Variants in NOTCH1 observed in about 807,000 individuals in gnomAD.
NOTCH1 encodes notch receptor 1, also known as neurogenic locus notch homolog protein 1.
NOTCH1 carries 37 observed loss-of-function variants against 254.8 expected under a neutral mutation model. That is an observed-to-expected ratio of 0.15 (90% CI 0.11 to 0.19). NOTCH1 has a LOEUF of 0.19. Ranked by LOEUF, NOTCH1 falls within the 10% of genes least tolerant of loss-of-function variation. The pLI is 1.00. For missense variants in NOTCH1, 2,972 were observed against 3,708.6 expected, an observed-to-expected ratio of 0.80 and a Z score of 5.16; for synonymous variants, 1,731 against 1,618.1, an observed-to-expected ratio of 1.07 and a Z score of -1.68.
chr9:136,522,809 C>G, intron 4 of NOTCH1, 41 bp downstream of exon 4: 10 of 1,440,938 alleles, frequency 6.9e-6, no homozygotes, highest in Non-Finnish European at 8.2e-6. Flanking sequence ...GCCTGGCAGC[C>G]GGGGAGGGGC....
In NOTCH1 at chr9:136,505,293, G is replaced by A. The variant is rs1303173123; in HGVS notation, c.4586+17C>T. ...AGTTCAGGTCCTCCCTCAGCCCCAT[G>A]AGCCCCGCAGCCTTACTTGCACTGG... On this transcript the variant is annotated intron_variant, in intron 25 of 33. Coordinates refer to ENST00000651671, the MANE Select transcript of NOTCH1 (RefSeq NM_017617.5). 1.3e-6 allele frequency: 2 copies of A among 1,556,844 alleles called. No individual in the cohort carries two copies. Among genetic ancestry groups the A allele is most frequent in the African/African-American group, 1.4e-5 (1 of 73,530 alleles).
At position 136,500,726 on chromosome 9, in the gene NOTCH1, C is replaced by T. The variant is rs2133326277; in HGVS notation, c.5760G>A (p.Leu1920=). 2 of 1,608,482 alleles carry T rather than the reference C, an allele frequency of 1.2e-6. No homozygotes were observed. The highest frequency in any genetic ancestry group is 1.7e-6 in the Non-Finnish European group (2 of 1,179,884). ...ISDFIYQGAS[L]HNQTDRTGET... ...CGCCCGTGCGGTCTGTCTGGTTGTG[C>T]AGGCTGGCGCCCTGGTAGATGAAGT... The change falls in exon 31 of 34, where the codon CTG becomes CTA. Residue 1920 remains leucine, a synonymous_variant. Transcript: ENST00000651671.
At chr9:136,503,932 C>G (rs1368927308) in intron 26 of NOTCH1, among the ~76,000 whole-genome samples, 4 of 152,262 alleles carry the variant, frequency 2.6e-5, no homozygotes, top group African/African-American at 7.2e-5. Context: ...TGCCCCAGAT[C>G]GAGTAGGCAT....
chr9:136,528,443 G>GGGGATGGGCAGGGACAGTGA (rs1564206698), intron 2 of NOTCH1, among the ~76,000 whole-genome samples: 1 of 64,748 alleles, frequency 1.5e-5, no homozygotes, highest in Non-Finnish European at 3.4e-5. Flanking sequence ...GGACGGTGAG[G>GGGGATGGGCAGGGACAGTGA]GGGGGATGGG....
At chr9:136,510,315 G>A (rs538863400) in intron 17 of NOTCH1, among the ~76,000 whole-genome samples, 1 of 152,350 alleles carries the variant, frequency 6.6e-6, no homozygotes, top group South Asian at 2.1e-4. Context: ...CCTCTGTGAA[G>A]CAGGGCTGGG....
chr9:136,531,907 C>T (rs1260832552), intron 2 of NOTCH1, among the ~76,000 whole-genome samples: 2 of 152,254 alleles, frequency 1.3e-5, no homozygotes, highest in East Asian at 3.9e-4. Flanking sequence ...TCTGACCACA[C>T]GAGGCACAGA....
intron 31 of NOTCH1, among the ~76,000 whole-genome samples, 154 bp downstream of exon 31, chr9:136,500,398 G>T (rs1015198063): frequency 6.6e-6 from 1 of 152,200 alleles, no homozygotes; most frequent in Non-Finnish European, 1.5e-5. Flanking sequence ...CTCGCACCTC[G>T]CTGACTGCGA....
At chr9:136,532,424 C>T (rs973164623) in intron 2 of NOTCH1, among the ~76,000 whole-genome samples, 2 of 152,054 alleles carry the variant, frequency 1.3e-5, no homozygotes, top group African/African-American at 4.8e-5. Context: ...GATCAAATAG[C>T]ACACAACTGC....
chr9:136,532,654 C>T (rs1452663353), intron 2 of NOTCH1, among the ~76,000 whole-genome samples: 9 of 152,212 alleles, frequency 5.9e-5, no homozygotes, highest in Non-Finnish European at 8.8e-5. Flanking sequence ...TCGCGGCAGT[C>T]GCCCAGCCAC....
chr9:136,503,917 C>G (rs1423455019), intron 26 of NOTCH1, among the ~76,000 whole-genome samples: 1 of 152,278 alleles, frequency 6.6e-6, no homozygotes, highest in African/African-American at 2.4e-5. Context: ...GCTCCTGGGT[C>G]CAGCTGCCCC....
At chr9:136,542,300 T>C (rs1305316957) in intron 2 of NOTCH1, among the ~76,000 whole-genome samples, 3 of 152,062 alleles carry the variant, frequency 2.0e-5, no homozygotes, top group Non-Finnish European at 4.4e-5. Context: ...AGCAAGAAGC[T>C]TCTCCCAGAG....
chr9:136,523,808 A>G lies in NOTCH1; in HGVS notation c.312T>C (p.Asn104=), dbSNP rs4489420. ...SGPLCLTPLD[N]ACLTNPCRNG... is the part of the protein sequence containing the mutation. ...TGCGGCAGGGGTTGGTGAGGCAGGC[A>G]TTGTCCAGGGGTGTCAGGCAGAGGG... Residue 104 remains asparagine, a synonymous_variant, in exon 3 of 34, where the codon AAT becomes AAC. Transcript: ENST00000651671. 0.52 allele frequency: 840,818 copies of G among 1,610,440 alleles called. 231,318 individuals carry two copies. The highest frequency in any genetic ancestry group is 0.89 in the African/African-American group (66,647 of 74,980).
chr9:136,523,591 C>T lies in NOTCH1; in HGVS notation c.403+126G>A. The T allele has an allele frequency of 3.2e-6, 4 of 1,252,252 alleles. No homozygotes were observed. In the Middle Eastern group the frequency reaches 1.1e-3, roughly 341 times the overall value. The allele number at this position is 1,252,252 out of a possible 1,614,324, so 77.6% of individuals were successfully genotyped here. A position where few individuals can be genotyped will look rare whatever the true frequency, so the allele number is the denominator to read the frequency against. On this transcript the variant is annotated intron_variant, in intron 3 of 33. Transcript: ENST00000651671. The stretch of plus-strand genomic sequence containing the variant: ...TGGGAGGGGGGCAGGGACCCTGGGG[C>T]AGGGGCTCCCAATTACTTCCGGGTC...
Position 136,515,644 on chromosome 9 carries a change from T to C in NOTCH1, c.1742A>G (p.Lys581Arg), listed in dbSNP as rs755014838. ...DPDPCHYGSCKDGVATFTCLC... is the reference protein window; with the variant it reads ...DPDPCHYGSCRDGVATFTCLC... Reference sequence around the variant, plus strand: ...GCAGGTGAAGGTGGCGACGCCGTCCTTGCAGGAGCCGTAGTGGCAGGGGTC... The same window carrying C: ...GCAGGTGAAGGTGGCGACGCCGTCCCTGCAGGAGCCGTAGTGGCAGGGGTC... The change falls in exon 11 of 34, where the codon AAG becomes AGG. Residue 581 changes from lysine (K) to arginine (R), a missense_variant. Physicochemically the swap from Lys to Arg is conservative, Grantham distance 26 (BLOSUM62 2). Coordinates refer to ENST00000651671, the MANE Select transcript of NOTCH1 (RefSeq NM_017617.5). 1 of 1,595,528 alleles carries C rather than the reference T, an allele frequency of 6.3e-7. No individual in the cohort carries two copies. Among genetic ancestry groups the C allele is most frequent in the Non-Finnish European group, 8.5e-7 (1 of 1,174,064 alleles).
At chr9:136,509,255 C>A (rs573896716) in intron 18 of NOTCH1, among the ~76,000 whole-genome samples, 184 bp from the exon 19 acceptor site, 3 of 152,356 alleles carry the variant, frequency 2.0e-5, no homozygotes, top group Admixed American at 2.0e-4. Context: ...GCTCTCACAC[C>A]ACGTCACACC....
intron 2 of NOTCH1, among the ~76,000 whole-genome samples, chr9:136,526,329 G>A (rs1843459473): frequency 6.6e-6 from 1 of 152,236 alleles, no homozygotes; most frequent in Non-Finnish European, 1.5e-5. Context: ...GCTCCCGCTT[G>A]GAGAAAAGGC....
At chr9:136,520,803 C>A (rs1173008669) in intron 4 of NOTCH1, among the ~76,000 whole-genome samples, 3 of 152,086 alleles carry the variant, frequency 2.0e-5, no homozygotes, top group Admixed American at 2.0e-4. Flanking sequence ...CCCTGCACCC[C>A]GGCTCCGAGG....
intron 2 of NOTCH1, among the ~76,000 whole-genome samples, chr9:136,531,104 G>A (rs1843551894): frequency 1.3e-5 from 2 of 152,212 alleles, no homozygotes; most frequent in African/African-American, 4.8e-5. Flanking sequence ...TCCTTGTTAA[G>A]AATGCTGCAG....
intron 25 of NOTCH1, 56 bp from the exon 26 acceptor site, chr9:136,505,160 G>A (rs778075796): frequency 1.0e-5 from 16 of 1,563,628 alleles, no homozygotes; most frequent in Admixed American, 1.8e-5. Flanking sequence ...CGCACCCGCC[G>A]TCCGGTGCCT....
Sources: allele counts gnomAD v4.1 joint callset (sites outside exome capture counted in the v4.1 genomes callset), GRCh38; gene constraint gnomAD v4.1.1; transcripts MANE v1.5; gene names NCBI Gene and HGNC (gene_info 2026-07-23, HGNC 2026-07-21).